The following TPRG1 variants were observed in gnomAD, a reference collection of about 807,000 sequenced individuals.
The protein encoded by TPRG1 is tumor protein p63 regulated 1.
A neutral mutation model predicts 29.3 loss-of-function variants in TPRG1; 29 were observed. That is an observed-to-expected ratio of 0.99 (90% CI 0.74 to 1.35). The LOEUF is 1.35. TPRG1 is among the 40% of genes most tolerant of loss of function. TPRG1 has a pLI of 0.00. For missense variants in TPRG1, 327 were observed against 335.0 expected, an observed-to-expected ratio of 0.98 and a Z score of 0.19; for synonymous variants, 130 against 116.8, an observed-to-expected ratio of 1.11 and a Z score of -0.73.
chr3:189,176,825 G>C (rs1176744986), intron 1 of TPRG1, among the ~76,000 whole-genome samples: 5 of 152,204 alleles, frequency 3.3e-5, no homozygotes, highest in Non-Finnish European at 5.9e-5. Context: ...GAAGTTAGAA[G>C]TTAGATGATT....
chr3:188,997,833 C>T (rs1309798627), intron 1 of TPRG1, among the ~76,000 whole-genome samples: 4 of 152,126 alleles, frequency 2.6e-5, no homozygotes, highest in Non-Finnish European at 5.9e-5. Flanking sequence ...GAAATTTTCT[C>T]CTCTGTACTT....
chr3:189,197,956 A>C (rs1732818269), intron 1 of TPRG1, among the ~76,000 whole-genome samples: 1 of 152,238 alleles, frequency 6.6e-6, no homozygotes, highest in South Asian at 2.1e-4. Context: ...TACAGTGCCA[A>C]GGCCAGAATG....
intron 4 of TPRG1, among the ~76,000 whole-genome samples, chr3:189,094,939 A>C (rs183857796): frequency 3.9e-4 from 59 of 152,252 alleles, no homozygotes; most frequent in Admixed American, 1.1e-3. Context: ...AACCGTAGAA[A>C]ATGATTGGCA....
intron 4 of TPRG1, among the ~76,000 whole-genome samples, chr3:189,073,039 A>T (rs1716903382): frequency 6.6e-6 from 1 of 152,138 alleles, no homozygotes; most frequent in South Asian, 2.1e-4. Context: ...CAGTTATTGA[A>T]TTGAATTAGT....
chr3:189,310,386 G>T lies in TPRG1; in HGVS notation c.480G>T (p.Lys160Asn). Residue 160 changes from lysine (K) to asparagine (N), a missense_variant and splice_region_variant, in exon 5 of 6, where the codon AAG becomes AAT. Coordinates refer to ENST00000345063, the MANE Select transcript of TPRG1 (RefSeq NM_198485.4). Reference sequence around the variant, plus strand: ...CTAATGGAAAACGCCTTTCTTGTAGGAGACAAGGAGAAGGCCTTAGGATCT... The same window carrying T: ...CTAATGGAAAACGCCTTTCTTGTAGTAGACAAGGAGAAGGCCTTAGGATCT... ...KFTFPGMSLD[K>N]RQGEGLRIYW... The T allele has an allele frequency of 6.3e-7, 1 of 1,587,640 alleles. No homozygotes were observed. The highest frequency in any genetic ancestry group is 1.2e-5 in the South Asian group (1 of 86,544).
intron 4 of TPRG1, among the ~76,000 whole-genome samples, chr3:189,246,860 T>C (rs1182344143): frequency 2.0e-5 from 3 of 152,300 alleles, no homozygotes; most frequent in Non-Finnish European, 4.4e-5. Flanking sequence ...TCCACAATGA[T>C]TTGAACTGCT....
chr3:189,219,840 C>T (rs1414013742), intron 3 of TPRG1: 3 of 849,368 alleles, frequency 3.5e-6, no homozygotes, highest in East Asian at 2.4e-4. Flanking sequence ...TGTTCTTCAT[C>T]TTTATAAAAG....
intron 4 of TPRG1, among the ~76,000 whole-genome samples, chr3:189,029,435 C>T (rs957778939): frequency 6.6e-6 from 1 of 152,148 alleles, no homozygotes; most frequent in Non-Finnish European, 1.5e-5. Context: ...TTAATGCCAA[C>T]CTGTCTCTGT....
Position 189,323,179 on chromosome 3 carries a change from T to C in TPRG1, c.*2359T>C, listed in dbSNP as rs2108509694. The C allele has an allele frequency of 6.6e-6, 1 of 152,226 alleles. No individual in the cohort carries two copies. The highest frequency in any genetic ancestry group is 1.5e-5 in the Non-Finnish European group (1 of 67,994). 9.4% of individuals were successfully genotyped at this position (152,226 alleles called of 1,614,324 possible). On this transcript the variant is annotated 3_prime_UTR_variant, in exon 6 of 6. Transcript: ENST00000345063. ...AGGAAAGACTAGATAAAGTCGATAT[T>C]GTGAGAGGAATTGCTGTATGATACC...
chr3:189,136,896 A>C (rs1327033678), intron 3 of TPRG1, among the ~76,000 whole-genome samples: 1 of 152,180 alleles, frequency 6.6e-6, no homozygotes, highest in Non-Finnish European at 1.5e-5. Context: ...ATCATCATTC[A>C]GTCACTCAAT....
chr3:189,220,699 G>C (rs1214230398), intron 3 of TPRG1, among the ~76,000 whole-genome samples: 1 of 152,112 alleles, frequency 6.6e-6, no homozygotes, highest in East Asian at 1.9e-4. Flanking sequence ...TTGGTTTTCT[G>C]TTCCTGTATT....
intron 3 of TPRG1, among the ~76,000 whole-genome samples, chr3:189,228,874 G>A (rs1372275242): frequency 3.3e-5 from 5 of 151,962 alleles, no homozygotes; most frequent in Non-Finnish European, 7.4e-5. Flanking sequence ...AAATTATAAG[G>A]AGTCTACCAA....
Position 189,088,850 on chromosome 3 carries a change from T to C in TPRG1, c.-462-38207T>C, listed in dbSNP as rs1405908937. On this transcript the variant is annotated intron_variant, in intron 4 of 10. Transcript: ENST00000433971. The stretch of plus-strand genomic sequence containing the variant: ...TTGAGTAAGTAATATATCTTTTTCG[T>C]ACATCAAACTTTTTAAAAAAGCAAG... 2.0e-5 allele frequency among the ~76,000 whole-genome samples: 3 copies of C among 152,166 alleles called. No individual in the cohort carries two copies. The East Asian group carries it at 5.8e-4, about 29-fold the overall frequency.
intron 5 of TPRG1, among the ~76,000 whole-genome samples, chr3:189,152,513 G>C (rs1354004243): frequency 6.6e-6 from 1 of 152,162 alleles, no homozygotes; most frequent in African/African-American, 2.4e-5. Flanking sequence ...TCATTTGGTA[G>C]AGAGGAAACA....
chr3:189,216,937 A>G (rs1325205909), intron 3 of TPRG1, among the ~76,000 whole-genome samples: 3 of 152,246 alleles, frequency 2.0e-5, no homozygotes, highest in African/African-American at 7.2e-5. Flanking sequence ...CTGTTTCTAC[A>G]CTGCATCTCC....
At chr3:189,187,277 C>A (rs1731062305) in intron 1 of TPRG1, among the ~76,000 whole-genome samples, 1 of 150,972 alleles carries the variant, frequency 6.6e-6, no homozygotes, top group South Asian at 2.1e-4. Context: ...CATGAGCCAC[C>A]CCGGCCAAGT....
intron 4 of TPRG1, among the ~76,000 whole-genome samples, chr3:189,274,111 T>A (rs1715692785): frequency 6.7e-6 from 1 of 149,390 alleles, no homozygotes; most frequent in Non-Finnish European, 1.5e-5. Flanking sequence ...GAACCCAGAT[T>A]TTTTTTTTTT....
At chr3:189,138,837 G>A (rs1242558012) in intron 3 of TPRG1, among the ~76,000 whole-genome samples, 1 of 152,146 alleles carries the variant, frequency 6.6e-6, no homozygotes, top group Non-Finnish European at 1.5e-5. Flanking sequence ...TGATGAAAGT[G>A]TTCTAGCTTC....
At chr3:189,198,782 G>A (rs1732981473) in intron 1 of TPRG1, among the ~76,000 whole-genome samples, 2 of 152,160 alleles carry the variant, frequency 1.3e-5, no homozygotes, top group Admixed American at 1.3e-4. Context: ...CAGAATAGTA[G>A]GATCAATGCC....
Sources: gnomAD v4.1 joint callset for allele counts (sites outside exome capture counted in the v4.1 genomes callset) on GRCh38, gnomAD v4.1.1 for gene constraint, MANE v1.5 for transcripts, NCBI Gene and HGNC (gene_info 2026-07-23, HGNC 2026-07-21) for gene names.